Variants in ADAMTS17 observed in about 807,000 individuals in gnomAD.
ADAMTS17 encodes the protein ADAM metallopeptidase with thrombospondin type 1 motif 17, also known as A disintegrin and metalloproteinase with thrombospondin motifs 17.
A neutral mutation model predicts 141.5 loss-of-function variants in ADAMTS17; 113 were observed. The ratio of observed to expected loss-of-function variants is 0.80; its 90% CI spans 0.69 to 0.93. The LOEUF (loss-of-function observed/expected upper bound fraction) is 0.93, where lower values mean the gene tolerates loss of function less well. Among genes scored for constraint, ADAMTS17 ranks in the 40% least tolerant of loss-of-function variants. The probability of loss-of-function intolerance (pLI) is 0.00; values close to 1 mark genes in which losing one functional copy is unlikely to be tolerated. For missense variants in ADAMTS17, 1,659 were observed against 1,517.9 expected (o/e 1.09, Z -1.54); for synonymous variants, 768 against 630.6 (o/e 1.22, Z -3.27).
intron 4 of ADAMTS17, among the ~76,000 whole-genome samples, chr15:100,278,958 G>C (rs1015071474): frequency 1.3e-5 from 2 of 152,170 alleles, no homozygotes; most frequent in Non-Finnish European, 2.9e-5. Flanking sequence ...ATCCCCACAA[G>C]GGGAGAATCA....
At chr15:100,325,550 G>C (rs1171936260) in intron 3 of ADAMTS17, among the ~76,000 whole-genome samples, 2 of 152,190 alleles carry the variant, frequency 1.3e-5, no homozygotes, top group Non-Finnish European at 2.9e-5. Context: ...CCTAGTGGGA[G>C]GTGGCGGATC....
At chr15:100,155,402 G>A (rs893269817) in intron 8 of ADAMTS17, 82 bp from the exon 9 acceptor site, 2 of 1,548,842 alleles carry the variant, frequency 1.3e-6, no homozygotes, top group Non-Finnish European at 1.7e-6. Context: ...CCATGCTAAG[G>A]TAAATCAAGT....
At chr15:100,168,624 CAT>C (rs1465334576) in intron 8 of ADAMTS17, 1 of 152,206 alleles carries the variant, frequency 6.6e-6, no homozygotes, top group Non-Finnish European at 1.5e-5. Flanking sequence ...TAGCAAAAAT[CAT>C]GTGTACGTGG....
At chr15:100,055,380 A>G (rs375792953) in intron 15 of ADAMTS17, among the ~76,000 whole-genome samples, 2 of 152,242 alleles carry the variant, frequency 1.3e-5, no homozygotes, top group African/African-American at 2.4e-5. Flanking sequence ...CACAAGCAAC[A>G]GAGGGTCGCT....
At chr15:100,248,276 C>A (rs191841426) in intron 7 of ADAMTS17, among the ~76,000 whole-genome samples, 1 of 152,260 alleles carries the variant, frequency 6.6e-6, no homozygotes, top group East Asian at 1.9e-4. Context: ...TTTAGGCTGG[C>A]ACAAAAACCA....
intron 20 of ADAMTS17, chr15:99,980,790 G>A (rs762659660): frequency 6.6e-6 from 1 of 152,274 alleles, no homozygotes; most frequent in Non-Finnish European, 1.5e-5. Flanking sequence ...GTTTCTGCCT[G>A]GAAATGATCA....
chr15:100,308,802 G>T (rs934403375), intron 3 of ADAMTS17, among the ~76,000 whole-genome samples: 6 of 152,076 alleles, frequency 3.9e-5, no homozygotes, highest in Non-Finnish European at 5.9e-5. Context: ...CCACCCCAGG[G>T]GACACAGAGG....
At chr15:100,287,385 T>A (rs1317933405) in intron 3 of ADAMTS17, among the ~76,000 whole-genome samples, 1 of 152,140 alleles carries the variant, frequency 6.6e-6, no homozygotes, top group East Asian at 1.9e-4. Flanking sequence ...TATGGAATTA[T>A]GTAAAGAGAC....
chr15:100,341,960 C>T lies in ADAMTS17; in HGVS notation c.-61G>A, dbSNP rs1017669908. The T allele has an allele frequency of 1.2e-5, 19 of 1,538,036 alleles. No homozygotes were observed. The African/African-American group carries it at 2.6e-4, about 21-fold the overall frequency. On this transcript the variant is annotated 5_prime_UTR_variant, in exon 1 of 22. Coordinates refer to ENST00000268070, the MANE Select transcript of ADAMTS17 (RefSeq NM_139057.4). ...GGCGAAGCAGGAGCGCGCTAGGCGG[C>T]GGCGCCAGCCGGAGTGAAGCCCTCC...
chr15:100,186,697 C>G (rs1237942956), intron 8 of ADAMTS17, among the ~76,000 whole-genome samples: 1 of 152,198 alleles, frequency 6.6e-6, no homozygotes, highest in African/African-American at 2.4e-5. Context: ...GCAGCAGTAT[C>G]CAGCTCACAG....
At chr15:100,097,954 G>A (rs1353484299) in intron 14 of ADAMTS17, among the ~76,000 whole-genome samples, 2 of 152,214 alleles carry the variant, frequency 1.3e-5, no homozygotes, top group African/African-American at 4.8e-5. Context: ...ACAGATTCCA[G>A]AGAAGACTTT....
At chr15:100,240,080 T>TG (rs879878828) in intron 7 of ADAMTS17, among the ~76,000 whole-genome samples, 13 of 152,122 alleles carry the variant, frequency 8.5e-5, no homozygotes, top group Non-Finnish European at 1.8e-4. Flanking sequence ...GGGATCAGCA[T>TG]GGGGGGATCC....
intron 3 of ADAMTS17, among the ~76,000 whole-genome samples, chr15:100,311,083 A>G (rs1319278790): frequency 6.6e-6 from 1 of 152,216 alleles, no homozygotes; most frequent in Non-Finnish European, 1.5e-5. Context: ...ATGTAACCCG[A>G]AAGCCATTTC....
chr15:99,994,598 G>A (rs1174028254), intron 19 of ADAMTS17, among the ~76,000 whole-genome samples: 4 of 151,988 alleles, frequency 2.6e-5, no homozygotes, highest in African/African-American at 7.3e-5. Flanking sequence ...ACGGAGTCTC[G>A]CTCTGTCACC....
chr15:99,977,394 ATATATAATTTTTTTTTTT>A (rs2060380837), intron 20 of ADAMTS17, among the ~76,000 whole-genome samples: 3 of 5,350 alleles, frequency 5.6e-4, no homozygotes, highest in African/African-American at 1.2e-3. Flanking sequence ...ATATATATAT[ATATATAATTTTTTTTTTT>A]TTTTTTTTTT....
Position 100,312,373 on chromosome 15 carries a change from G to C in ADAMTS17, c.616+18516C>G, listed in dbSNP as rs1596498649. ...GAATGCAGGCAGCCTCTGGGAGCTGGAAAAAATGAGGAAACAGATTCTCCC... is the reference window on the plus strand; with the variant it reads ...GAATGCAGGCAGCCTCTGGGAGCTGCAAAAAATGAGGAAACAGATTCTCCC... On this transcript the variant is annotated intron_variant, in intron 3 of 21. Coordinates refer to ENST00000268070, the MANE Select transcript of ADAMTS17 (RefSeq NM_139057.4). Among the ~76,000 whole-genome samples, 8 of 152,232 alleles carry C rather than the reference G, an allele frequency of 5.3e-5. No individual in the cohort carries two copies. In the South Asian group the frequency reaches 6.2e-4, roughly 12 times the overall value.
In ADAMTS17 at chr15:100,262,412, C is replaced by G. The variant is rs780718522; in HGVS notation, c.813G>C (p.Gln271His). The change falls in exon 5 of 22, where the codon CAG (glutamine) becomes CAC (histidine). Residue 271 changes from glutamine to histidine, a missense_variant. Transcript: ENST00000268070. ...GAATGTTAATTTTAATCCCCAGGCTCTGGTGCTGAAACATATTGTATACCT... is the reference window on the plus strand; with the variant it reads ...GAATGTTAATTTTAATCCCCAGGCTGTGGTGCTGAAACATATTGTATACCT... ...MNMVYNMFQH[Q>H]SLGIKINIQV... 4.3e-6 allele frequency: 7 copies of G among 1,613,498 alleles called. No homozygotes were observed. The highest frequency in any genetic ancestry group is 4.0e-5 in the African/African-American group (3 of 74,754).
At chr15:100,161,269 G>A (rs1004544580) in intron 8 of ADAMTS17, among the ~76,000 whole-genome samples, 2 of 152,238 alleles carry the variant, frequency 1.3e-5, no homozygotes, top group Non-Finnish European at 2.9e-5. Flanking sequence ...ATGAGTAGGT[G>A]TTCTAGACGG....
rs556414152 is a variant in ADAMTS17, at chr15:100,185,731, T to C, written c.1181+13587A>G. ...CCCTGGCATCCTCCAAAGTATCCCC[T>C]GCACACCTCGTCCACATAAAGACAC... On this transcript the variant is annotated intron_variant, in intron 8 of 21. Transcript: ENST00000268070. Among the ~76,000 whole-genome samples the C allele has an allele frequency of 3.6e-3, 541 of 152,318 alleles. 3 individuals carry two copies. The highest frequency in any genetic ancestry group is 0.013 in the South Asian group (65 of 4,826).
Sources: allele counts gnomAD v4.1 joint callset (sites outside exome capture counted in the v4.1 genomes callset), GRCh38; gene constraint gnomAD v4.1.1; transcripts MANE v1.5; gene names NCBI Gene and HGNC (gene_info 2026-07-23, HGNC 2026-07-21).